Variants in EP300 observed in about 807,000 individuals in gnomAD.
The protein encoded by EP300 is histone acetyltransferase p300.
EP300 carries 31 observed loss-of-function variants against 264.0 expected under a neutral mutation model. That is an observed-to-expected ratio of 0.12 (90% CI 0.09 to 0.16). The LOEUF (loss-of-function observed/expected upper bound fraction) is 0.16. Among genes scored for constraint, EP300 ranks in the 10% least tolerant of loss-of-function variants. The pLI is 1.00. For synonymous variants in EP300, 1,340 were observed against 1,045.4 expected (o/e 1.28, Z -5.44); for missense variants, 2,766 against 3,052.9 (o/e 0.91, Z 2.21).
Position 41,176,798 on chromosome 22 carries a change from A to G in EP300, c.5087A>G (p.Tyr1696Cys). 6.2e-7 allele frequency: 1 copy of G among 1,614,130 alleles called. No individual in the cohort carries two copies. Among genetic ancestry groups the G allele is most frequent in the Non-Finnish European group, 8.5e-7 (1 of 1,180,024 alleles). The change falls in exon 31 of 31, where the codon TAT becomes TGT. Residue 1696 changes from tyrosine (Y) to cysteine (C), a missense_variant. Transcript: ENST00000263253. Reference protein sequence around the residue: ...CEDYDLCITCYNTKNHDHKME... With the variant: ...CEDYDLCITCCNTKNHDHKME... ...GATTATGACTTGTGTATCACCTGCT[A>G]TAACACTAAAAACCATGACCACAAA...
At chr22:41,124,314 T>C (rs1601602637) in intron 2 of EP300, among the ~76,000 whole-genome samples, 1 of 152,126 alleles carries the variant, frequency 6.6e-6, no homozygotes, top group East Asian at 1.9e-4. Flanking sequence ...ACTTAGCAGG[T>C]GACTTAATAG....
intron 4 of EP300, among the ~76,000 whole-genome samples, chr22:41,128,390 G>T (rs1315381040): frequency 6.6e-6 from 1 of 151,920 alleles, no homozygotes; most frequent in Non-Finnish European, 1.5e-5. Flanking sequence ...AGCCCAAGAG[G>T]GCAGGGGTTG....
chr22:41,142,108 G>A (rs1333502358), intron 10 of EP300, among the ~76,000 whole-genome samples: 1 of 152,226 alleles, frequency 6.6e-6, no homozygotes, highest in Admixed American at 6.5e-5. Flanking sequence ...TTATTGGTAC[G>A]ATCAAAGTAG....
rs970955088 is a variant in EP300, at chr22:41,179,444, CTATATA to C, written c.*495_*500del. The C allele has an allele frequency of 1.2e-5, 2 of 163,920 alleles. No individual in the cohort carries two copies. Among genetic ancestry groups the C allele is most frequent in the African/African-American group, 2.5e-5 (1 of 40,458 alleles). 10.2% of individuals were successfully genotyped at this position (163,920 alleles called of 1,614,324 possible). On this transcript the variant is annotated 3_prime_UTR_variant, in exon 31 of 31. Transcript: ENST00000263253. The stretch of plus-strand genomic sequence containing the variant: ...GTTAATGTTACTTTAAAATTACATT[CTATATA>C]TATATAAATATATATAAATATATAT...
chr22:41,162,360 G>T (rs1008671724), intron 20 of EP300, among the ~76,000 whole-genome samples: 1 of 152,122 alleles, frequency 6.6e-6, no homozygotes, highest in Non-Finnish European at 1.5e-5. Flanking sequence ...AAGACTGTTA[G>T]CTTTTGTATG....
intron 22 of EP300, 58 bp downstream of exon 22, chr22:41,164,188 G>C: frequency 6.8e-7 from 1 of 1,473,670 alleles, no homozygotes; most frequent in Non-Finnish European, 9.5e-7. Flanking sequence ...ATATTAACAA[G>C]TTTTTTATTC....
At position 41,168,427 on chromosome 22, in the gene EP300, CTT is replaced by C. The variant is rs751151231; in HGVS notation, c.3875-19_3875-18del. ...CAACAGTAAATTTGCACCTCAGTAA[CTT>C]TTAACTTTTACATTCCTAGGGTTGC... is the stretch of plus-strand genomic sequence containing the variant. On this transcript the variant is annotated intron_variant, in intron 23 of 30. Coordinates refer to ENST00000263253, the MANE Select transcript of EP300 (RefSeq NM_001429.4). The C allele has an allele frequency of 5.6e-6, 9 of 1,613,848 alleles. No homozygotes were observed. The highest frequency in any genetic ancestry group is 1.6e-4 in the Middle Eastern group (1 of 6,080).
At chr22:41,146,922 T>G (rs1448515759) in intron 11 of EP300, 106 bp downstream of exon 11, 2 of 972,102 alleles carry the variant, frequency 2.1e-6, no homozygotes, top group Non-Finnish European at 3.2e-6. Flanking sequence ...AGTGTCATGA[T>G]TACCTGCCCA....
intron 1 of EP300, among the ~76,000 whole-genome samples, chr22:41,104,157 A>G (rs1199477748): frequency 6.6e-6 from 1 of 152,164 alleles, no homozygotes; most frequent in East Asian, 1.9e-4. Flanking sequence ...ACAAATCTCA[A>G]GGTTTGCTCA....
Position 41,135,826 on chromosome 22 carries a change from G to T in EP300, c.1542G>T (p.Met514Ile). 1 of 1,613,270 alleles carries T rather than the reference G, an allele frequency of 6.2e-7. No individual in the cohort carries two copies. ...ATTTTGACTTAGGTGCTAGTCCTAT[G>T]GGAGTAAATGGAGGTGTAGGAGTTC... The part of the protein sequence containing the change: ...RPMSNMSASP[M>I]GVNGGVGVQT... Residue 514 changes from methionine to isoleucine, a missense_variant, in exon 7 of 31, where the codon ATG becomes ATT. By Grantham distance (10) the Met-to-Ile change is conservative. Coordinates refer to ENST00000263253, the MANE Select transcript of EP300 (RefSeq NM_001429.4).
Position 41,117,238 on chromosome 22 carries a change from A to C in EP300, c.146A>C (p.Asn49Thr), listed in dbSNP as rs370385350. 13 of 1,614,164 alleles carry C rather than the reference A, an allele frequency of 8.1e-6. No individual in the cohort carries two copies. The highest frequency in any genetic ancestry group is 1.0e-5 in the Non-Finnish European group (12 of 1,180,040). ...LEHDLPDELI[N>T]STELGLTNGG... ...CACGACTTACCAGATGAATTAATCA[A>C]CTCTACAGAATTGGGACTAACCAAT... Residue 49 changes from asparagine (N) to threonine (T), a missense_variant, in exon 2 of 31, where the codon AAC becomes ACC. Coordinates refer to ENST00000263253, the MANE Select transcript of EP300 (RefSeq NM_001429.4).
intron 1 of EP300, among the ~76,000 whole-genome samples, chr22:41,096,406 G>A (rs1007356793): frequency 6.6e-6 from 1 of 152,060 alleles, no homozygotes; most frequent in African/African-American, 2.4e-5. Context: ...AGGATTTTAG[G>A]ATCTGGCATA....
chr22:41,118,499 G>A (rs1403285608), intron 2 of EP300, among the ~76,000 whole-genome samples: 1 of 152,164 alleles, frequency 6.6e-6, no homozygotes, highest in Non-Finnish European at 1.5e-5. Context: ...CTTAAAATGG[G>A]ATCACACTAT....
chr22:41,116,824 G>T (rs1569090052), intron 1 of EP300, among the ~76,000 whole-genome samples: 1 of 152,120 alleles, frequency 6.6e-6, no homozygotes, highest in Non-Finnish European at 1.5e-5. Flanking sequence ...ACTTTGGAAG[G>T]CCAATGCAGA....
At chr22:41,099,689 C>T (rs973642104) in intron 1 of EP300, among the ~76,000 whole-genome samples, 4 of 152,134 alleles carry the variant, frequency 2.6e-5, no homozygotes, top group Admixed American at 6.6e-5. Context: ...TACAGCTTCT[C>T]TTTGGCATAT....
intron 23 of EP300, chr22:41,168,234 G>A (rs139934797): frequency 1.9e-4 from 112 of 578,144 alleles, no homozygotes; most frequent in African/African-American, 1.8e-3. Flanking sequence ...AATAGCACAT[G>A]TATTAAAATT....
At chr22:41,133,512 T>A (rs561460690) in intron 6 of EP300, among the ~76,000 whole-genome samples, 1 of 152,162 alleles carries the variant, frequency 6.6e-6, no homozygotes, top group African/African-American at 2.4e-5. Context: ...GAAAGCAGAG[T>A]ACTTTAGATT....
rs1601617870 is a variant in EP300, at chr22:41,147,745, A to C, written c.2132-92A>C. On this transcript the variant is annotated intron_variant, in intron 11 of 30. Transcript: ENST00000263253. The stretch of plus-strand genomic sequence containing the variant: ...AGAGCAAGACTCCGTCTCAAAAAAA[A>C]AAAAAGATACAGAATCAGACATAAG... 13 of 1,017,958 alleles carry C rather than the reference A, an allele frequency of 1.3e-5. No individual in the cohort carries two copies. In the East Asian group the frequency reaches 3.3e-4, roughly 26 times the overall value. The allele number at this position is 1,017,958 out of a possible 1,614,324, so 63.1% of individuals were successfully genotyped here.
rs1387038716 is a variant in EP300 at position 41,127,764 on chromosome 22, G to C, written c.1168+16G>C. 5.6e-6 allele frequency: 9 copies of C among 1,613,906 alleles called. No individual in the cohort carries two copies. The African/African-American group carries it at 9.3e-5, about 17-fold the overall frequency. ...TCTTGCCAAGGTAAGTGGACCCACA[G>C]GGTTACTGTACTTAGCAATTTTTAC... On this transcript the variant is annotated intron_variant, in intron 4 of 30. Coordinates refer to ENST00000263253, the MANE Select transcript of EP300 (RefSeq NM_001429.4).
Sources: allele counts gnomAD v4.1 joint callset (sites outside exome capture counted in the v4.1 genomes callset), GRCh38; gene constraint gnomAD v4.1.1; transcripts MANE v1.5; gene names NCBI Gene and HGNC (gene_info 2026-07-23, HGNC 2026-07-21).